CDH13: variants seen among roughly 807,000 people sequenced by gnomAD.
CDH13 encodes the protein cadherin-13.
CDH13 carries 24 observed loss-of-function variants against 63.8 expected under a neutral mutation model. The ratio of observed to expected loss-of-function variants is 0.38; its 90% confidence interval spans 0.27 to 0.53. The LOEUF (loss-of-function observed/expected upper bound fraction) is 0.53, where lower values mean the gene tolerates loss of function less well. CDH13 is among the 20% of genes least tolerant of loss of function. The pLI is 0.85. For synonymous variants in CDH13, 503 were observed against 355.3 expected (o/e 1.42, Z -4.67); for missense variants, 1,049 against 903.1 (o/e 1.16, Z -2.07).
intron 6 of CDH13, among the ~76,000 whole-genome samples, chr16:83,482,739 A>G (rs957411839): frequency 6.6e-6 from 1 of 152,142 alleles, no homozygotes; most frequent in Non-Finnish European, 1.5e-5. Flanking sequence ...GGTGTAGACT[A>G]CAGAATGTGT....
chr16:82,727,932 G>C (rs1206264326), intron 1 of CDH13, among the ~76,000 whole-genome samples: 1 of 152,092 alleles, frequency 6.6e-6, no homozygotes, highest in Non-Finnish European at 1.5e-5. Flanking sequence ...ACACAGCCCT[G>C]TGTCTCTGCA....
intron 10 of CDH13, among the ~76,000 whole-genome samples, chr16:83,701,729 C>T (rs1598513155): frequency 6.6e-6 from 1 of 152,196 alleles, no homozygotes; most frequent in East Asian, 1.9e-4. Context: ...TTCAGCACCA[C>T]GGTCAGCACC....
intron 1 of CDH13, among the ~76,000 whole-genome samples, chr16:82,697,805 T>A (rs1476410162): frequency 6.6e-6 from 1 of 151,618 alleles, no homozygotes; most frequent in African/African-American, 2.4e-5. Flanking sequence ...TTTCATGAAT[T>A]CAAAACATAG....
At chr16:83,173,731 C>A (rs9939486) in intron 4 of CDH13, among the ~76,000 whole-genome samples, 24,568 of 151,996 alleles carry the variant, frequency 0.16, 2,764 homozygotes, top group African/African-American at 0.31. Flanking sequence ...AAGATCCCTG[C>A]CTCTCCCAAT....
At chr16:83,741,601 AT>A (rs1912074640) in intron 10 of CDH13, among the ~76,000 whole-genome samples, 1 of 152,098 alleles carries the variant, frequency 6.6e-6, no homozygotes, top group Non-Finnish European at 1.5e-5. Context: ...CTATATATAA[AT>A]TTGATACGTA....
At chr16:83,514,303 C>T (rs1293756412) in intron 7 of CDH13, among the ~76,000 whole-genome samples, 2 of 152,190 alleles carry the variant, frequency 1.3e-5, no homozygotes, top group South Asian at 2.1e-4. Flanking sequence ...TGAGGTTATG[C>T]TGGATTAGGG....
chr16:83,269,459 C>T (rs1314611881), intron 5 of CDH13, among the ~76,000 whole-genome samples: 1 of 152,120 alleles, frequency 6.6e-6, no homozygotes, highest in Non-Finnish European at 1.5e-5. Context: ...TATGAAGATA[C>T]AAAGATGCAG....
At chr16:83,409,399 A>G (rs994256623) in intron 6 of CDH13, among the ~76,000 whole-genome samples, 7 of 152,242 alleles carry the variant, frequency 4.6e-5, no homozygotes, top group African/African-American at 7.2e-5. Context: ...ACACGGGGCA[A>G]TGGTAGTTGT....
At chr16:83,420,353 C>T (rs2151469220) in intron 6 of CDH13, among the ~76,000 whole-genome samples, 1 of 152,282 alleles carries the variant, frequency 6.6e-6, no homozygotes, top group South Asian at 2.1e-4. Flanking sequence ...GTTGAATTCT[C>T]AAGCAGCGTT....
intron 7 of CDH13, among the ~76,000 whole-genome samples, chr16:83,492,928 A>G (rs2074048107): frequency 2.6e-5 from 4 of 152,226 alleles, no homozygotes; most frequent in Admixed American, 6.5e-5. Flanking sequence ...GACCGTGGCT[A>G]GTCTCTTAGT....
At chr16:83,363,776 G>T (rs1168860508) in intron 6 of CDH13, among the ~76,000 whole-genome samples, 2 of 152,182 alleles carry the variant, frequency 1.3e-5, no homozygotes, top group East Asian at 3.9e-4. Flanking sequence ...GAGCTGCTAG[G>T]TATCATGGGA....
intron 2 of CDH13, among the ~76,000 whole-genome samples, chr16:82,964,196 G>A (rs772992720): frequency 2.0e-5 from 3 of 152,144 alleles, no homozygotes; most frequent in Non-Finnish European, 4.4e-5. Flanking sequence ...TCTCAATGGT[G>A]GAGCTCCATA....
intron 2 of CDH13, among the ~76,000 whole-genome samples, chr16:83,010,263 C>A (rs1390436460): frequency 1.3e-5 from 2 of 151,660 alleles, no homozygotes; most frequent in Non-Finnish European, 2.9e-5. Flanking sequence ...AATCCTTGGT[C>A]CACGCCAATC....
intron 4 of CDH13, chr16:83,181,032 G>C (rs561347469): frequency 2.0e-6 from 3 of 1,499,326 alleles, no homozygotes; most frequent in Non-Finnish European, 2.7e-6. Context: ...ACTAGCACTC[G>C]GTATTTCAAA....
intron 2 of CDH13, chr16:82,954,868 A>G (rs1905832220): frequency 6.6e-6 from 1 of 151,874 alleles, no homozygotes; most frequent in African/African-American, 2.4e-5. Flanking sequence ...TGGACATTTT[A>G]TAGAAACTGA....
At chr16:83,222,887 T>A (rs180757580) in intron 5 of CDH13, among the ~76,000 whole-genome samples, 1 of 152,114 alleles carries the variant, frequency 6.6e-6, no homozygotes, top group African/African-American at 2.4e-5. Context: ...AGTGGCACTA[T>A]TGAAATTTGA....
intron 6 of CDH13, among the ~76,000 whole-genome samples, chr16:83,464,969 A>G (rs2073272291): frequency 6.6e-6 from 1 of 152,146 alleles, no homozygotes; most frequent in Non-Finnish European, 1.5e-5. Context: ...CCATTGCAGG[A>G]TATCAAGTCT....
chr16:82,915,157 G>T (rs1004577323), intron 2 of CDH13, among the ~76,000 whole-genome samples: 1 of 152,224 alleles, frequency 6.6e-6, no homozygotes, highest in African/African-American at 2.4e-5. Context: ...CTAATTTGGT[G>T]GTTATAGCGC....
intron 2 of CDH13, among the ~76,000 whole-genome samples, chr16:82,982,455 A>G (rs982547388): frequency 6.6e-6 from 1 of 152,238 alleles, no homozygotes; most frequent in African/African-American, 2.4e-5. Context: ...AAGTGTCGGC[A>G]GAGCCATAGC....
Sources: allele counts gnomAD v4.1 joint callset (sites outside exome capture counted in the v4.1 genomes callset), GRCh38; gene constraint gnomAD v4.1.1; transcripts MANE v1.5; gene names NCBI Gene and HGNC (gene_info 2026-07-23, HGNC 2026-07-21).